Variants in CSMD1 observed in about 807,000 individuals in gnomAD.
CSMD1 encodes the protein CUB and Sushi multiple domains 1, also known as CUB and sushi domain-containing protein 1.
CSMD1 carries 213 observed loss-of-function variants against 417.5 expected under a neutral mutation model. The ratio of observed to expected loss-of-function variants is 0.51; its 90% CI spans 0.46 to 0.57. The LOEUF (loss-of-function observed/expected upper bound fraction) is 0.57, where lower values mean the gene tolerates loss of function less well. CSMD1 is among the 20% of genes least tolerant of loss of function. The pLI, the probability that CSMD1 is intolerant of heterozygous loss-of-function variation, is 0.00. For synonymous variants in CSMD1, 2,862 were observed against 1,736.8 expected (o/e 1.65, Z -16.11); for missense variants, 6,923 against 4,529.7 (o/e 1.53, Z -15.17).
chr8:4,418,348 C>T (rs990481439), intron 3 of CSMD1, among the ~76,000 whole-genome samples: 2 of 152,034 alleles, frequency 1.3e-5, no homozygotes, highest in Non-Finnish European at 2.9e-5. Context: ...GACAATCTTG[C>T]CCTATTTTCT....
chr8:4,461,865 C>A (rs954637580), intron 2 of CSMD1, among the ~76,000 whole-genome samples: 1 of 151,538 alleles, frequency 6.6e-6, no homozygotes, highest in Non-Finnish European at 1.5e-5. Context: ...CTCAGCCTCC[C>A]GAGTAGCTCG....
chr8:3,621,704 C>A (rs889369570), intron 7 of CSMD1, among the ~76,000 whole-genome samples: 1 of 151,888 alleles, frequency 6.6e-6, no homozygotes, highest in Non-Finnish European at 1.5e-5. Context: ...GCAATCCTCC[C>A]AAATAGCTGC....
At chr8:4,199,291 C>G (rs775045393) in intron 3 of CSMD1, among the ~76,000 whole-genome samples, 3 of 152,156 alleles carry the variant, frequency 2.0e-5, no homozygotes, top group African/African-American at 7.2e-5. Flanking sequence ...CATTGATATG[C>G]AGGCAGTGTA....
At chr8:3,832,389 C>T (rs547515581) in intron 5 of CSMD1, among the ~76,000 whole-genome samples, 1 of 152,240 alleles carries the variant, frequency 6.6e-6, no homozygotes, top group South Asian at 2.1e-4. Context: ...GACATTTTCT[C>T]AATTGAATTA....
chr8:4,511,074 G>A (rs1209674220), intron 2 of CSMD1, among the ~76,000 whole-genome samples: 1 of 151,922 alleles, frequency 6.6e-6, no homozygotes, highest in Non-Finnish European at 1.5e-5. Flanking sequence ...CCATCCTTCA[G>A]CCTGGTCAGC....
chr8:4,787,375 A>C (rs187879806), intron 1 of CSMD1: 69 of 729,826 alleles, frequency 9.5e-5, no homozygotes, highest in Admixed American at 7.1e-4. Context: ...AAATTGTATG[A>C]GGGTAAAACA....
At chr8:3,417,027 G>C (rs1005919729) in intron 12 of CSMD1, among the ~76,000 whole-genome samples, 1 of 152,162 alleles carries the variant, frequency 6.6e-6, no homozygotes, top group African/African-American at 2.4e-5. Context: ...ATTTTAGTGA[G>C]AATGATTTAC....
Position 4,196,756 on chromosome 8 carries a change from C to T in CSMD1, c.416-164657G>A, listed in dbSNP as rs535585570. On this transcript the variant is annotated intron_variant, in intron 3 of 69. Coordinates refer to ENST00000635120, the MANE Select transcript of CSMD1 (RefSeq NM_033225.6). The stretch of plus-strand genomic sequence containing the variant: ...TGGTCTCTATCTCAAGACCCTTTAT[C>T]TTATCTGTAAACCCCTTTTTCCCAT... Among the ~76,000 whole-genome samples, 32 of 152,260 alleles carry T rather than the reference C, an allele frequency of 2.1e-4. 1 individual carries two copies. Among genetic ancestry groups the T allele is most frequent in the African/African-American group, 6.7e-4 (28 of 41,542 alleles).
intron 5 of CSMD1, among the ~76,000 whole-genome samples, chr8:3,787,923 G>C (rs903600149): frequency 3.9e-5 from 6 of 152,186 alleles, no homozygotes; most frequent in Non-Finnish European, 5.9e-5. Context: ...CTGTAGTTGT[G>C]AGGGGAAGGA....
chr8:3,447,578 G>T (rs1002893095), intron 12 of CSMD1, among the ~76,000 whole-genome samples: 1 of 152,204 alleles, frequency 6.6e-6, no homozygotes, highest in African/African-American at 2.4e-5. Context: ...GACAGGAAGG[G>T]TCAGAGGTTC....
chr8:3,975,357 A>C (rs1813361618), intron 5 of CSMD1, among the ~76,000 whole-genome samples: 1 of 152,126 alleles, frequency 6.6e-6, no homozygotes, highest in East Asian at 1.9e-4. Context: ...GCAATATAAT[A>C]ATGTTATGTT....
chr8:3,634,170 A>T (rs1796920885), intron 7 of CSMD1, among the ~76,000 whole-genome samples: 1 of 151,388 alleles, frequency 6.6e-6, no homozygotes. Context: ...CTAGCTTATG[A>T]GAGTGTCTTC....
intron 5 of CSMD1, among the ~76,000 whole-genome samples, chr8:3,853,053 G>A (rs984559987): frequency 1.2e-4 from 18 of 151,974 alleles, no homozygotes; most frequent in Admixed American, 9.8e-4. Flanking sequence ...GTCATCAGTC[G>A]AGCAACCCAC....
chr8:4,531,926 AGCCCATTC>A (rs1796838049), intron 2 of CSMD1, among the ~76,000 whole-genome samples: 1 of 138,300 alleles, frequency 7.2e-6, no homozygotes, highest in Non-Finnish European at 1.6e-5. Context: ...AAATCCTGCA[AGCCCATTC>A]ACACTCACTC....
At chr8:3,716,922 A>G (rs1460335052) in intron 6 of CSMD1, among the ~76,000 whole-genome samples, 2 of 152,202 alleles carry the variant, frequency 1.3e-5, no homozygotes, top group African/African-American at 2.4e-5. Context: ...AGTACATCCT[A>G]TTTAATTCCA....
chr8:4,370,722 A>G (rs1802346371), intron 3 of CSMD1, among the ~76,000 whole-genome samples: 1 of 152,182 alleles, frequency 6.6e-6, no homozygotes, highest in Non-Finnish European at 1.5e-5. Context: ...GGTCTGTTAT[A>G]CAGTTAATGT....
At chr8:3,601,827 T>C (rs1801374536) in intron 8 of CSMD1, among the ~76,000 whole-genome samples, 1 of 152,212 alleles carries the variant, frequency 6.6e-6, no homozygotes, top group Admixed American at 6.5e-5. Context: ...AAATGATTCA[T>C]TCTGTTTCCC....
chr8:4,002,899 T>A (rs1448606124), intron 4 of CSMD1, among the ~76,000 whole-genome samples: 2 of 152,194 alleles, frequency 1.3e-5, no homozygotes, highest in Non-Finnish European at 2.9e-5. Flanking sequence ...AAATATAATA[T>A]ATGGTCTCAA....
chr8:4,133,872 G>A (rs79801437), intron 3 of CSMD1, among the ~76,000 whole-genome samples: 3 of 152,026 alleles, frequency 2.0e-5, no homozygotes, highest in African/African-American at 4.8e-5. Flanking sequence ...TATAAAGACA[G>A]GAAATTTTTT....
Sources: gnomAD v4.1 joint callset for allele counts (sites outside exome capture counted in the v4.1 genomes callset) on GRCh38, gnomAD v4.1.1 for gene constraint, MANE v1.5 for transcripts, NCBI Gene and HGNC (gene_info 2026-07-23, HGNC 2026-07-21) for gene names.